The following FOXN3 variants were observed in gnomAD, a reference collection of about 807,000 sequenced individuals.
FOXN3 encodes forkhead box protein N3.
In FOXN3, 7 loss-of-function variants were observed where a neutral mutation model predicts 38.4. That is an observed-to-expected ratio of 0.18 (90% CI 0.10 to 0.34). The LOEUF (loss-of-function observed/expected upper bound fraction) is 0.34, where lower values mean the gene tolerates loss of function less well. Among genes scored for constraint, FOXN3 ranks in the 10% least tolerant of loss-of-function variants. The probability of loss-of-function intolerance (pLI) is 1.00; values close to 1 mark genes in which losing one functional copy is unlikely to be tolerated. For synonymous variants in FOXN3, 230 were observed against 242.2 expected (o/e 0.95, Z 0.47); for missense variants, 456 against 613.4 (o/e 0.74, Z 2.71).
At position 89,277,708 on chromosome 14, in the gene FOXN3, A is replaced by G. The variant is rs114546784; in HGVS notation, c.745+3242T>C. On this transcript the variant is annotated intron_variant, in intron 4 of 5. Coordinates refer to ENST00000557258, the MANE Select transcript of FOXN3 (RefSeq NM_005197.4). The stretch of plus-strand genomic sequence containing the variant: ...GTACTAAGTTTCCACTCTAAACCAA[A>G]CAACGATTTGACAATGAAAACTGGT... Among the ~76,000 whole-genome samples, 879 of 152,320 alleles carry G rather than the reference A, an allele frequency of 5.8e-3. 9 individuals carry two copies. Among genetic ancestry groups the G allele is most frequent in the Middle Eastern group, 0.02 (6 of 294 alleles).
chr14:89,254,359 C>T (rs1367059811), intron 4 of FOXN3, among the ~76,000 whole-genome samples: 1 of 152,136 alleles, frequency 6.6e-6, no homozygotes, highest in African/African-American at 2.4e-5. Context: ...CAAGCTTGTT[C>T]CCTAACCAGG....
chr14:89,297,617 T>C (rs1887083392), intron 3 of FOXN3, among the ~76,000 whole-genome samples: 2 of 151,740 alleles, frequency 1.3e-5, no homozygotes, highest in Admixed American at 1.3e-4. Context: ...GTTCCGATTC[T>C]GGATATATAC....
chr14:89,251,963 A>G (rs1219200389), intron 4 of FOXN3, among the ~76,000 whole-genome samples: 2 of 152,224 alleles, frequency 1.3e-5, no homozygotes, highest in Admixed American at 1.3e-4. Flanking sequence ...GCGATAAACT[A>G]GCTACAACTG....
chr14:89,204,057 ACACACACACAC>A (rs1888310176), intron 4 of FOXN3, among the ~76,000 whole-genome samples: 1 of 7,176 alleles, frequency 1.4e-4, no homozygotes, highest in African/African-American at 9.1e-4. Context: ...TCCCTTACAC[ACACACACACAC>A]ACACACACAC....
intron 1 of FOXN3, among the ~76,000 whole-genome samples, chr14:89,544,554 GA>G (rs1246878302): frequency 3.9e-5 from 6 of 152,180 alleles, no homozygotes; most frequent in Non-Finnish European, 7.4e-5. Context: ...GGGCGACAGA[GA>G]AAGGTAAGAC....
chr14:89,509,071 T>C (rs1019691687), intron 1 of FOXN3, among the ~76,000 whole-genome samples: 1 of 152,060 alleles, frequency 6.6e-6, no homozygotes, highest in Non-Finnish European at 1.5e-5. Context: ...GCTCATCTCC[T>C]ACTTCCCTCC....
At chr14:89,508,240 G>A (rs531812703) in intron 1 of FOXN3, among the ~76,000 whole-genome samples, 2 of 152,328 alleles carry the variant, frequency 1.3e-5, no homozygotes, top group South Asian at 4.1e-4. Flanking sequence ...TTGGCCTATA[G>A]GTGAATCACC....
In FOXN3 at chr14:89,374,744, C is replaced by T. The variant is rs533105735; in HGVS notation, c.544-23936G>A. 3.9e-3 allele frequency among the ~76,000 whole-genome samples: 594 copies of T among 151,428 alleles called. 3 individuals are homozygous for T. The highest frequency in any genetic ancestry group is 0.011 in the South Asian group (53 of 4,786). On this transcript the variant is annotated intron_variant, in intron 2 of 5. Transcript: ENST00000557258. ...CCCAGCACTTTGGGAGGCTGAGGCACGCAGATCACAAGGTTAAGAGTTCGA... is the reference window on the plus strand; with the variant it reads ...CCCAGCACTTTGGGAGGCTGAGGCATGCAGATCACAAGGTTAAGAGTTCGA...
intron 2 of FOXN3, among the ~76,000 whole-genome samples, chr14:89,403,213 G>A (rs184026053): frequency 1.3e-5 from 2 of 149,614 alleles, no homozygotes; most frequent in African/African-American, 2.5e-5. Context: ...ATTTTTTGTT[G>A]TTGTTGGAGA....
intron 1 of FOXN3, among the ~76,000 whole-genome samples, chr14:89,600,210 A>G (rs1182393260): frequency 6.6e-6 from 1 of 152,252 alleles, no homozygotes; most frequent in Non-Finnish European, 1.5e-5. Flanking sequence ...TTATCAAACC[A>G]GGATGTTCTT....
chr14:89,343,820 T>G (rs1387965232), intron 3 of FOXN3, among the ~76,000 whole-genome samples: 1 of 151,930 alleles, frequency 6.6e-6, no homozygotes, highest in African/African-American at 2.4e-5. Context: ...TGGAGTGCAA[T>G]GGTGCAATCT....
At chr14:89,205,610 G>T (rs2139824876) in intron 4 of FOXN3, among the ~76,000 whole-genome samples, 1 of 152,350 alleles carries the variant, frequency 6.6e-6, no homozygotes, top group East Asian at 1.9e-4. Flanking sequence ...TTGGCTGGAG[G>T]TGGTTGGAGG....
intron 1 of FOXN3, among the ~76,000 whole-genome samples, chr14:89,534,198 C>T (rs575441497): frequency 5.8e-4 from 88 of 150,768 alleles, no homozygotes; most frequent in Non-Finnish European, 9.4e-4. Flanking sequence ...CTCTGCCTCC[C>T]GGGTTCAAGC....
intron 1 of FOXN3, among the ~76,000 whole-genome samples, chr14:89,493,113 A>T (rs1458910715): frequency 1.3e-5 from 2 of 152,204 alleles, no homozygotes; most frequent in East Asian, 3.8e-4. Flanking sequence ...AAGTCCACCT[A>T]TGGTCGGAAA....
chr14:89,323,181 G>C (rs909818084), intron 3 of FOXN3, among the ~76,000 whole-genome samples: 1 of 151,550 alleles, frequency 6.6e-6, no homozygotes, highest in African/African-American at 2.4e-5. Flanking sequence ...CCAGCTACTC[G>C]GGAGGCTGAG....
chr14:89,333,708 C>T (rs2080308), intron 3 of FOXN3, among the ~76,000 whole-genome samples: 23,295 of 137,020 alleles, frequency 0.17, 2,033 homozygotes, highest in Middle Eastern at 0.23. Flanking sequence ...GCCGAGATGG[C>T]GCCAACTGCA....
At position 89,224,360 on chromosome 14, in the gene FOXN3, C is replaced by A. The variant is rs911195909; in HGVS notation, c.746-43554G>T. 2.6e-5 allele frequency among the ~76,000 whole-genome samples: 4 copies of A among 152,092 alleles called. No individual in the cohort carries two copies. In the East Asian group the frequency reaches 7.7e-4, roughly 29 times the overall value. The stretch of plus-strand genomic sequence containing the variant: ...AAAGTGATTATTAAAAACTGATAGG[C>A]TTATAAATAAAATGAGATCTGTGAA... On this transcript the variant is annotated intron_variant, in intron 4 of 5. Transcript: ENST00000557258.
chr14:89,343,228 CGTTAT>C lies in FOXN3; in HGVS notation c.680+7439_680+7443del, dbSNP rs1888664348. On this transcript the variant is annotated intron_variant, in intron 3 of 5. Transcript: ENST00000557258. Reference sequence around the variant, plus strand: ...GCATTCTGAGTGGAGGAATTAACACCGTTATGTTAACAAGATTAACATTTTAAGGA... The same window carrying C: ...GCATTCTGAGTGGAGGAATTAACACCGTTAACAAGATTAACATTTTAAGGA... Among the ~76,000 whole-genome samples the C allele has an allele frequency of 2.0e-5, 3 of 152,188 alleles. No homozygotes were observed. The South Asian group carries it at 6.2e-4, about 32-fold the overall frequency.
chr14:89,232,486 G>A (rs1364381646), intron 4 of FOXN3, among the ~76,000 whole-genome samples: 1 of 152,082 alleles, frequency 6.6e-6, no homozygotes, highest in African/African-American at 2.4e-5. Flanking sequence ...TTATATAACC[G>A]GGAAGGATTA....
Sources: allele counts gnomAD v4.1 joint callset (sites outside exome capture counted in the v4.1 genomes callset), GRCh38; gene constraint gnomAD v4.1.1; transcripts MANE v1.5; gene names NCBI Gene and HGNC (gene_info 2026-07-23, HGNC 2026-07-21).